TDRKH: variants seen among roughly 807,000 people sequenced by gnomAD.
The protein encoded by TDRKH is tudor and KH domain containing, also known as tudor and KH domain-containing protein.
TDRKH carries 28 observed loss-of-function variants against 61.3 expected under a neutral mutation model. The ratio of observed to expected loss-of-function variants is 0.46; its 90% CI spans 0.34 to 0.63. The LOEUF (loss-of-function observed/expected upper bound fraction) is 0.63. Ranked by LOEUF, TDRKH falls within the 20% of genes least tolerant of loss-of-function variation. The pLI, the probability that TDRKH is intolerant of heterozygous loss-of-function variation, is 0.01. For missense variants in TDRKH, 540 were observed against 683.4 expected (o/e 0.79, Z 2.34); for synonymous variants, 219 against 244.4 (o/e 0.90, Z 0.97).
chr1:151,771,702 C>T, downstream of TDRKH: 1 of 383,730 alleles, frequency 2.6e-6, no homozygotes. Context: ...TAGAAGAGGG[C>T]ATTCCAGGCA....
At chr1:151,769,226 A>G (rs12026280), downstream of TDRKH, 149,431 of 151,456 alleles carry the variant, frequency 0.99, 73,744 homozygotes, top group South Asian at 1. Context: ...TCACTTCCCA[A>G]AAGGGGCGGC....
intron 9 of TDRKH, 37 bp downstream of exon 9, chr1:151,775,783 T>C (rs1310346520): frequency 1.2e-6 from 2 of 1,602,784 alleles, no homozygotes; most frequent in African/African-American, 1.3e-5. Context: ...GTTATTCTAT[T>C]TGGAGGTAAG....
chr1:151,767,100 G>C (rs1648391268), downstream of TDRKH: 1 of 1,591,646 alleles, frequency 6.3e-7, no homozygotes, highest in Non-Finnish European at 8.6e-7. Context: ...CCAGAGCCTG[G>C]TACTGTGTAT....
At chr1:151,781,055 C>T (rs1333817235) in intron 3 of TDRKH, among the ~76,000 whole-genome samples, 1 of 151,746 alleles carries the variant, frequency 6.6e-6, no homozygotes, top group African/African-American at 2.4e-5. Context: ...GTGGCTCACA[C>T]CTGTAATCCC....
downstream of TDRKH, among the ~76,000 whole-genome samples, chr1:151,773,170 G>A (rs951003644): frequency 6.6e-6 from 1 of 152,000 alleles, no homozygotes; most frequent in Non-Finnish European, 1.5e-5. Flanking sequence ...AGCCTCCCAC[G>A]CAGCTGGGAC....
chr1:151,786,058 T>C (rs911626802), intron 1 of TDRKH, among the ~76,000 whole-genome samples: 1 of 152,200 alleles, frequency 6.6e-6, no homozygotes, highest in Non-Finnish European at 1.5e-5. Context: ...GGGGAAAAAC[T>C]GGCTATATCC....
chr1:151,774,782 TGAGA>T lies in TDRKH; in HGVS notation c.1557_1560del (p.Leu520AlafsTer14). ...TTTTTGGTCTCAGTGAGCAACGTGC[TGAGA>T]GAGGCATCTGTTTCTGTGGCCTGAG... On this transcript the variant is annotated frameshift_variant, in exon 12 of 13. Transcript: ENST00000368824. LOFTEE classifies it high-confidence loss of function. The T allele has an allele frequency of 1.2e-6, 2 of 1,614,184 alleles. No homozygotes were observed. Among genetic ancestry groups the T allele is most frequent in the South Asian group, 2.2e-5 (2 of 91,086 alleles).
At chr1:151,767,447 A>G (rs1309628942), downstream of TDRKH, 7 of 1,421,930 alleles carry the variant, frequency 4.9e-6, no homozygotes, top group Non-Finnish European at 6.5e-6. Context: ...TATATAGACA[A>G]GCATTCTGGC....
At position 151,774,519 on chromosome 1, in the gene TDRKH, T is replaced by C; in HGVS notation, c.1634-15A>G. On this transcript the variant is annotated splice_polypyrimidine_tract_variant and intron_variant, in intron 12 of 12. Transcript: ENST00000368824. ...GGAAGCAGCTTCTATTGAAGATAAA[T>C]AAGAAGGAGAAAGTTAGACACTGCC... 6.2e-7 allele frequency: 1 copy of C among 1,613,930 alleles called. No individual in the cohort carries two copies. The highest frequency in any genetic ancestry group is 1.1e-5 in the South Asian group (1 of 91,068).
At chr1:151,783,090 A>C in intron 1 of TDRKH, 41 bp from the exon 2 acceptor site, 1 of 1,570,356 alleles carries the variant, frequency 6.4e-7, no homozygotes, top group Non-Finnish European at 8.6e-7. Flanking sequence ...GGTTTCATCC[A>C]ATCCTTTTAT....
chr1:151,769,766 G>A (rs139135027), downstream of TDRKH, among the ~76,000 whole-genome samples: 5,358 of 152,268 alleles, frequency 0.035, 300 homozygotes, highest in African/African-American at 0.12. Context: ...TCACGCCACT[G>A]CACTCCAGCC....
chr1:151,779,030 G>A, intron 5 of TDRKH, 24 bp from the exon 6 acceptor site: 5 of 1,612,438 alleles, frequency 3.1e-6, no homozygotes, highest in Non-Finnish European at 4.2e-6. Context: ...GAGAAAGGAT[G>A]ATATTCTGAC....
intron 1 of TDRKH, among the ~76,000 whole-genome samples, chr1:151,788,377 A>C (rs897198875): frequency 1.3e-5 from 2 of 152,228 alleles, no homozygotes; most frequent in East Asian, 1.9e-4. Flanking sequence ...AGCTGCCTTC[A>C]TGGAGTTTCC....
intron 1 of TDRKH, among the ~76,000 whole-genome samples, chr1:151,787,808 CAAAAAAAAAAAAAA>C (rs71093211): frequency 5.9e-5 from 3 of 50,572 alleles, no homozygotes; most frequent in Admixed American, 3.0e-4. Flanking sequence ...TCTGTTTCTA[CAAAAAAAAAAAAAA>C]AAAAAAAAAA....
intron 6 of TDRKH, among the ~76,000 whole-genome samples, chr1:151,777,111 A>G (rs545027926): frequency 3.3e-4 from 50 of 152,334 alleles, no homozygotes; most frequent in Middle Eastern, 6.8e-3. Flanking sequence ...AGTAATGAAA[A>G]AGGCAATATA....
downstream of TDRKH, chr1:151,766,561 T>A: frequency 1.5e-6 from 1 of 683,958 alleles, no homozygotes; most frequent in Non-Finnish European, 2.5e-6. Context: ...GATAAGGGAT[T>A]AGGGTAGATA....
At chr1:151,780,265 TATACAACCA>T (rs1428997254) in intron 3 of TDRKH, 125 bp from the exon 4 acceptor site, 26 of 308,974 alleles carry the variant, frequency 8.4e-5, no homozygotes, top group Non-Finnish European at 1.4e-4. Context: ...TAATACTATC[TATACAACCA>T]GTCCTCAATT....
At chr1:151,767,867 A>G, downstream of TDRKH, 2 of 703,850 alleles carry the variant, frequency 2.8e-6, no homozygotes, top group Non-Finnish European at 4.6e-6. Context: ...ATTGTTTGAT[A>G]TAAAGGAGAA....
intron 1 of TDRKH, among the ~76,000 whole-genome samples, chr1:151,788,753 G>A (rs1021041102): frequency 1.3e-5 from 2 of 152,160 alleles, no homozygotes; most frequent in Non-Finnish European, 2.9e-5. Context: ...GAGGCCCAAA[G>A]GACTAGCAGC....
Sources: allele counts gnomAD v4.1 joint callset (sites outside exome capture counted in the v4.1 genomes callset), GRCh38; gene constraint gnomAD v4.1.1; transcripts MANE v1.5; gene names NCBI Gene and HGNC (gene_info 2026-07-23, HGNC 2026-07-21).